Variants in FARS2 observed in about 807,000 individuals in gnomAD.
FARS2 encodes phenylalanine--tRNA ligase, mitochondrial.
A neutral mutation model predicts 46.4 loss-of-function variants in FARS2; 40 were observed. That is an observed-to-expected ratio of 0.86 (90% CI 0.67 to 1.12). The LOEUF is 1.12. Ranked by LOEUF, FARS2 falls within the 50% of genes most tolerant of loss-of-function variation. The pLI is 0.00. For missense variants in FARS2, 513 were observed against 567.9 expected, an observed-to-expected ratio of 0.90 and a Z score of 0.98; for synonymous variants, 234 against 214.9, an observed-to-expected ratio of 1.09 and a Z score of -0.78.
chr6:5,386,560 G>A (rs770451857), intron 2 of FARS2, among the ~76,000 whole-genome samples: 1 of 152,164 alleles, frequency 6.6e-6, no homozygotes, highest in Admixed American at 6.5e-5. Flanking sequence ...ACAATCGTCC[G>A]AGAGAACCAG....
chr6:5,680,250 A>G (rs1489685741), intron 6 of FARS2, among the ~76,000 whole-genome samples: 1 of 152,160 alleles, frequency 6.6e-6, no homozygotes, highest in Non-Finnish European at 1.5e-5. Context: ...AAGGTGCCCA[A>G]CCAACACTGA....
chr6:5,721,407 G>T (rs1759897976), intron 6 of FARS2, among the ~76,000 whole-genome samples: 1 of 152,128 alleles, frequency 6.6e-6, no homozygotes, highest in Non-Finnish European at 1.5e-5. Context: ...AAAAGTAGTA[G>T]TTTTTTAAAA....
intron 5 of FARS2, among the ~76,000 whole-genome samples, chr6:5,568,498 A>G (rs1325812505): frequency 1.3e-5 from 2 of 152,144 alleles, no homozygotes; most frequent in Non-Finnish European, 1.5e-5. Flanking sequence ...ATTAATATGT[A>G]TAGGTGCTTG....
chr6:5,337,501 T>C (rs2552297), intron 1 of FARS2, among the ~76,000 whole-genome samples: 106,862 of 152,050 alleles, frequency 0.7, 38,252 homozygotes, highest in African/African-American at 0.83. Context: ...AATTTTCTTT[T>C]GTGGTTTCTT....
intron 6 of FARS2, among the ~76,000 whole-genome samples, chr6:5,737,561 G>T (rs1318807938): frequency 6.6e-6 from 1 of 152,192 alleles, no homozygotes; most frequent in Non-Finnish European, 1.5e-5. Context: ...GGGAAGGGAA[G>T]TGAGCCCCCT....
At chr6:5,389,182 A>G (rs1158475742) in intron 2 of FARS2, among the ~76,000 whole-genome samples, 1 of 152,200 alleles carries the variant, frequency 6.6e-6, no homozygotes, top group Non-Finnish European at 1.5e-5. Flanking sequence ...GAAATATTTT[A>G]TGGCTTTGGA....
At chr6:5,635,314 C>G (rs1014482183) in intron 6 of FARS2, among the ~76,000 whole-genome samples, 2 of 152,202 alleles carry the variant, frequency 1.3e-5, no homozygotes, top group African/African-American at 4.8e-5. Flanking sequence ...TTTATGTTTA[C>G]TCTAGTTAAG....
intron 2 of FARS2, among the ~76,000 whole-genome samples, chr6:5,374,000 T>C (rs554939749): frequency 2.0e-5 from 3 of 152,256 alleles, no homozygotes; most frequent in African/African-American, 7.2e-5. Flanking sequence ...TTTGTTTTTA[T>C]TTTTTAGATG....
intron 6 of FARS2, among the ~76,000 whole-genome samples, chr6:5,670,115 A>G (rs1339107679): frequency 6.6e-6 from 1 of 152,216 alleles, no homozygotes; most frequent in Non-Finnish European, 1.5e-5. Context: ...CTTACATAGA[A>G]GTTAACAGCA....
intron 1 of FARS2, among the ~76,000 whole-genome samples, chr6:5,265,856 T>C (rs779213865): frequency 2.2e-4 from 34 of 152,186 alleles, no homozygotes; most frequent in Non-Finnish European, 4.1e-4. Flanking sequence ...GAGAGGTCAC[T>C]TCATCCCTGA....
chr6:5,373,367 G>T (rs1022598189), intron 2 of FARS2, among the ~76,000 whole-genome samples: 1 of 151,958 alleles, frequency 6.6e-6, no homozygotes, highest in Non-Finnish European at 1.5e-5. Context: ...CACAGTTAAC[G>T]TGTCTCCTGA....
intron 5 of FARS2, among the ~76,000 whole-genome samples, chr6:5,547,359 C>G (rs143640940): frequency 3.5e-3 from 535 of 151,706 alleles, no homozygotes; most frequent in Non-Finnish European, 5.4e-3. Flanking sequence ...TACATATTTC[C>G]TGCTGCTTCA....
At chr6:5,335,585 T>A (rs1771097472) in intron 1 of FARS2, among the ~76,000 whole-genome samples, 1 of 152,226 alleles carries the variant, frequency 6.6e-6, no homozygotes, top group Admixed American at 6.5e-5. Context: ...TATTAACATG[T>A]TATTGAGCAA....
chr6:5,293,064 A>C lies in FARS2; in HGVS notation c.-22+31404A>C, dbSNP rs144658044. ...CAAGTGGCTACTGGATTGAGTAAAT[A>C]GGAGGGTATTGGTGACACTGTTGGA... On this transcript the variant is annotated intron_variant, in intron 1 of 6. Transcript: ENST00000274680. Among the ~76,000 whole-genome samples, 654 of 152,344 alleles carry C rather than the reference A, an allele frequency of 4.3e-3. 5 individuals are homozygous for C. The highest frequency in any genetic ancestry group is 0.014 in the Middle Eastern group (4 of 294).
At chr6:5,731,705 C>G (rs973157331) in intron 6 of FARS2, among the ~76,000 whole-genome samples, 2 of 152,280 alleles carry the variant, frequency 1.3e-5, no homozygotes, top group South Asian at 4.2e-4. Flanking sequence ...ACCTATGGAT[C>G]TTTCACTTTG....
chr6:5,280,658 G>C (rs1581681105), intron 1 of FARS2, among the ~76,000 whole-genome samples: 1 of 149,296 alleles, frequency 6.7e-6, no homozygotes, highest in Admixed American at 6.7e-5. Context: ...TTGATTTAAA[G>C]TTTACTTCCT....
upstream of FARS2, chr6:5,260,580 G>A: frequency 1.4e-6 from 2 of 1,397,648 alleles, no homozygotes; most frequent in South Asian, 1.2e-5. Flanking sequence ...GATATTCCGC[G>A]TCAGCCCGCA....
At chr6:5,736,634 G>A (rs889990183) in intron 6 of FARS2, among the ~76,000 whole-genome samples, 1 of 152,056 alleles carries the variant, frequency 6.6e-6, no homozygotes, top group Non-Finnish European at 1.5e-5. Context: ...TTAAAAACAA[G>A]CTAGAAACTA....
intron 6 of FARS2, among the ~76,000 whole-genome samples, chr6:5,752,305 A>T (rs146117754): frequency 1.4e-3 from 215 of 152,312 alleles, no homozygotes; most frequent in East Asian, 0.013. Flanking sequence ...TTAATTACTC[A>T]TGGTAAATTG....
Sources: gnomAD v4.1 joint callset for allele counts (sites outside exome capture counted in the v4.1 genomes callset) on GRCh38, gnomAD v4.1.1 for gene constraint, MANE v1.5 for transcripts, NCBI Gene and HGNC (gene_info 2026-07-23, HGNC 2026-07-21) for gene names.